The following APAF1 variants were observed in gnomAD, a reference collection of about 807,000 sequenced individuals.
APAF1 encodes the protein apoptotic protease-activating factor 1.
Under a neutral mutation model 152.4 loss-of-function variants are expected in APAF1, and 91 were observed. That is an observed-to-expected ratio of 0.60 (90% confidence interval 0.50 to 0.71). APAF1 has a LOEUF of 0.71. Ranked by LOEUF, APAF1 falls within the 30% of genes least tolerant of loss-of-function variation. APAF1 has a pLI of 0.00. For synonymous variants in APAF1, 484 were observed against 494.1 expected (o/e 0.98, Z 0.27); for missense variants, 1,283 against 1,472.0 (o/e 0.87, Z 2.10).
At chr12:98,670,548 GGTCTTGA>G (rs1193202026) in intron 10 of APAF1, among the ~76,000 whole-genome samples, 1 of 151,656 alleles carries the variant, frequency 6.6e-6, no homozygotes, top group Non-Finnish European at 1.5e-5. Context: ...AAACTTCTTT[GGTCTTGA>G]GTTTAATTTA....
Position 98,715,438 on chromosome 12 carries a change from T to G in APAF1, c.2970T>G (p.Leu990=). ...DENGAIEILE[L]VNNRIFQSRF... is the part of the protein sequence containing the mutation. The stretch of plus-strand genomic sequence containing the variant: ...TTTCTGCTTTGAAGATTTTAGAACT[T>G]GTAAACAATAGAATCTTCCAGTCCA... The change falls in exon 22 of 27, where the codon CTT becomes CTG. Residue 990 remains leucine, a synonymous_variant. Coordinates refer to ENST00000551964, the MANE Select transcript of APAF1 (RefSeq NM_181861.2). The G allele has an allele frequency of 1.2e-6, 2 of 1,613,504 alleles. No individual in the cohort carries two copies. Among genetic ancestry groups the G allele is most frequent in the Non-Finnish European group, 1.7e-6 (2 of 1,179,740 alleles).
chr12:98,707,093 T>G (rs1173355710), intron 19 of APAF1, among the ~76,000 whole-genome samples: 1 of 152,210 alleles, frequency 6.6e-6, no homozygotes, highest in Admixed American at 6.5e-5. Flanking sequence ...GCTTCTAAGA[T>G]ATTTTTTTTT....
intron 22 of APAF1, among the ~76,000 whole-genome samples, chr12:98,718,426 G>C (rs2097737532): frequency 6.6e-6 from 1 of 151,904 alleles, no homozygotes; most frequent in African/African-American, 2.4e-5. Flanking sequence ...GTAGAGACAA[G>C]GTTTCACGAT....
Position 98,723,228 on chromosome 12 carries a change from A to G in APAF1, c.3120A>G (p.Leu1040=). 1.2e-6 allele frequency: 2 copies of G among 1,613,628 alleles called. No homozygotes were observed. The highest frequency in any genetic ancestry group is 2.2e-5 in the East Asian group (1 of 44,822). The part of the protein sequence containing the change: ...WNWQLDKCIF[L]RGHQETVKDF... The stretch of plus-strand genomic sequence containing the variant: ...GGCAATTGGACAAATGTATCTTTCT[A>G]CGAGGCCATCAGGAAACAGTGAAAG... Residue 1040 remains leucine (L), a synonymous_variant, in exon 23 of 27, where the codon CTA becomes CTG. Transcript: ENST00000551964.
chr12:98,650,502 G>T lies in APAF1; in HGVS notation c.526+818G>T, dbSNP rs7312538. Among the ~76,000 whole-genome samples the T allele has an allele frequency of 6.3e-3, 883 of 140,334 alleles. 8 individuals carry two copies. Among genetic ancestry groups the T allele is most frequent in the African/African-American group, 0.021 (822 of 38,774 alleles). The allele number at this position is 140,334 out of a possible 152,430, so 92.1% of individuals were successfully genotyped here. A position where few individuals can be genotyped will look rare whatever the true frequency, so the allele number is the denominator to read the frequency against. ...ACTCCATCTCAAAAAAAAGTTTTTTGTTTTTTTTTTTTTGATATGTATGTA... is the reference window on the plus strand; with the variant it reads ...ACTCCATCTCAAAAAAAAGTTTTTTTTTTTTTTTTTTTTGATATGTATGTA... On this transcript the variant is annotated intron_variant, in intron 4 of 26. Transcript: ENST00000551964.
chr12:98,683,405 C>G (rs2097694581), intron 15 of APAF1, 131 bp downstream of exon 15: 1 of 931,782 alleles, frequency 1.1e-6, no homozygotes, highest in Non-Finnish European at 1.7e-6. Flanking sequence ...AATATATTAG[C>G]TGAAGCAAAA....
intron 22 of APAF1, among the ~76,000 whole-genome samples, chr12:98,722,126 T>C (rs745840047): frequency 3.3e-5 from 5 of 152,214 alleles, no homozygotes; most frequent in Non-Finnish European, 7.3e-5. Context: ...CCTTTTCACG[T>C]TTCCCTGCTC....
intron 26 of APAF1, among the ~76,000 whole-genome samples, chr12:98,727,560 A>G (rs960840384): frequency 1.3e-5 from 2 of 152,102 alleles, no homozygotes; most frequent in African/African-American, 4.8e-5. Flanking sequence ...AAAAAAAAAA[A>G]AAATCTGGCA....
At chr12:98,707,124 CA>C (rs2153337684) in intron 19 of APAF1, among the ~76,000 whole-genome samples, 1 of 152,182 alleles carries the variant, frequency 6.6e-6, no homozygotes, top group Admixed American at 6.5e-5. Context: ...GCAGTCATGT[CA>C]TTTTTGCTCA....
intron 16 of APAF1, among the ~76,000 whole-genome samples, chr12:98,688,963 C>T (rs1293209895): frequency 6.6e-6 from 1 of 151,902 alleles, no homozygotes; most frequent in East Asian, 1.9e-4. Flanking sequence ...CAAGTGCCTG[C>T]TACCATGCCC....
At chr12:98,704,133 T>G (rs2288719) in intron 18 of APAF1, among the ~76,000 whole-genome samples, 27,802 of 151,064 alleles carry the variant, frequency 0.18, 2,696 homozygotes, top group Non-Finnish European at 0.2. Flanking sequence ...TGCTTTTTTT[T>G]TTTGTTTTTT....
chr12:98,684,371 C>T (rs2153325628), intron 15 of APAF1, among the ~76,000 whole-genome samples: 1 of 151,120 alleles, frequency 6.6e-6, no homozygotes, highest in Non-Finnish European at 1.5e-5. Context: ...CTCTCTCTTC[C>T]TCCCCCTTTC....
rs767010301 is a variant in APAF1, at chr12:98,725,515, C to T, written c.3431C>T (p.Thr1144Met). 18 of 1,613,980 alleles carry T rather than the reference C, an allele frequency of 1.1e-5. No homozygotes were observed. Among genetic ancestry groups the T allele is most frequent in the East Asian group, 2.2e-5 (1 of 44,896 alleles). ...AFSVDSTLLATGDDNGEIRIW... is the reference protein window; with the variant it reads ...AFSVDSTLLAMGDDNGEIRIW... ...TCTGTGGACAGTACCCTGCTGGCAA[C>T]GGGAGATGACAATGGAGAAATCAGG... Residue 1144 changes from threonine to methionine, a missense_variant, in exon 25 of 27, where the codon ACG (threonine) becomes ATG (methionine). Thr to Met is a moderately conservative substitution (Grantham distance 81, BLOSUM62 -1). Transcript: ENST00000551964.
intron 12 of APAF1, among the ~76,000 whole-genome samples, chr12:98,673,500 C>G (rs2097683080): frequency 1.3e-5 from 2 of 151,218 alleles, no homozygotes; most frequent in South Asian, 4.2e-4. Flanking sequence ...TTTGCATGCT[C>G]TTTCCATATG....
intron 16 of APAF1, among the ~76,000 whole-genome samples, chr12:98,698,005 C>T (rs1034470157): frequency 6.6e-6 from 1 of 152,106 alleles, no homozygotes; most frequent in African/African-American, 2.4e-5. Context: ...TACAGTGTAG[C>T]GACTTGCTCA....
At chr12:98,673,417 C>T (rs1228955461) in intron 12 of APAF1, among the ~76,000 whole-genome samples, 1 of 113,996 alleles carries the variant, frequency 8.8e-6, no homozygotes, top group South Asian at 2.7e-4. Flanking sequence ...GCCTGGGCAA[C>T]AAAGTGAAGC....
intron 21 of APAF1, among the ~76,000 whole-genome samples, 181 bp from the exon 22 acceptor site, chr12:98,715,246 A>ATATATATATATATATG (rs2097733023): frequency 1.7e-5 from 1 of 60,250 alleles, no homozygotes; most frequent in African/African-American, 5.9e-5. Flanking sequence ...ATATATATAT[A>ATATATATATATATATG]TATATATATA....
chr12:98,686,210 A>G (rs1314409814), intron 15 of APAF1, among the ~76,000 whole-genome samples: 1 of 152,142 alleles, frequency 6.6e-6, no homozygotes, highest in Non-Finnish European at 1.5e-5. Flanking sequence ...CTTTTATTCT[A>G]TTAAAGTTCC....
intron 20 of APAF1, 100 bp downstream of exon 20, chr12:98,708,804 G>A: frequency 3.3e-6 from 4 of 1,196,250 alleles, no homozygotes; most frequent in Non-Finnish European, 4.8e-6. Context: ...TAATTATTTT[G>A]TATCTAACAG....
Sources: gnomAD v4.1 joint callset for allele counts (sites outside exome capture counted in the v4.1 genomes callset) on GRCh38, gnomAD v4.1.1 for gene constraint, MANE v1.5 for transcripts, NCBI Gene and HGNC (gene_info 2026-07-23, HGNC 2026-07-21) for gene names.